Variants in GLIS3 observed in about 807,000 individuals in gnomAD.
GLIS3 encodes GLIS family zinc finger 3.
Under a neutral mutation model 78.6 loss-of-function variants are expected in GLIS3, and 53 were observed. The ratio of observed to expected loss-of-function variants is 0.67; its 90% confidence interval spans 0.54 to 0.85. GLIS3 has a LOEUF of 0.85. GLIS3 is among the 40% of genes least tolerant of loss of function. The probability of loss-of-function intolerance (pLI) is 0.00; values close to 1 mark genes in which losing one functional copy is unlikely to be tolerated. For missense variants in GLIS3, 1,703 were observed against 1,231.1 expected, an observed-to-expected ratio of 1.38 and a Z score of -5.74; for synonymous variants, 684 against 509.9, an observed-to-expected ratio of 1.34 and a Z score of -4.60.
chr9:4,235,722 A>C (rs990300866), intron 2 of GLIS3, among the ~76,000 whole-genome samples: 1 of 152,206 alleles, frequency 6.6e-6, no homozygotes, highest in Non-Finnish European at 1.5e-5. Context: ...GCTAGAAAAA[A>C]AAATCTGTTA....
intron 2 of GLIS3, among the ~76,000 whole-genome samples, chr9:4,190,767 T>G (rs201459079): frequency 2.0e-5 from 3 of 152,026 alleles, no homozygotes; most frequent in Admixed American, 2.0e-4. Flanking sequence ...AAAAAAATGT[T>G]AAGGGCAGCC....
chr9:4,267,563 T>C (rs1486882300), intron 2 of GLIS3, among the ~76,000 whole-genome samples: 1 of 152,198 alleles, frequency 6.6e-6, no homozygotes, highest in Non-Finnish European at 1.5e-5. Flanking sequence ...CCTAGCTACT[T>C]AGCTACCGAT....
At chr9:4,195,038 C>A (rs1818682889) in intron 2 of GLIS3, among the ~76,000 whole-genome samples, 1 of 152,230 alleles carries the variant, frequency 6.6e-6, no homozygotes, top group African/African-American at 2.4e-5. Context: ...GCCTCCACAG[C>A]CAGAACTGTG....
chr9:3,895,944 G>C (rs1292661643), intron 7 of GLIS3, among the ~76,000 whole-genome samples: 1 of 152,302 alleles, frequency 6.6e-6, no homozygotes, highest in East Asian at 1.9e-4. Context: ...AGCACTTAAA[G>C]GTAGAAGTGC....
chr9:4,450,556 C>G, the GLIS3 span, among the ~76,000 whole-genome samples: 1 of 152,054 alleles, frequency 6.6e-6, no homozygotes, highest in South Asian at 2.1e-4. Context: ...TCAGATTCAC[C>G]AAGGTTAAAA....
At chr9:4,257,798 C>A (rs900076928) in intron 2 of GLIS3, among the ~76,000 whole-genome samples, 1 of 152,068 alleles carries the variant, frequency 6.6e-6, no homozygotes, top group Non-Finnish European at 1.5e-5. Flanking sequence ...TGGTCTCGAT[C>A]TCCTGACCTC....
At chr9:4,343,443 G>A (rs1329483396) in intron 2 of GLIS3, among the ~76,000 whole-genome samples, 1 of 152,202 alleles carries the variant, frequency 6.6e-6, no homozygotes, top group Non-Finnish European at 1.5e-5. Context: ...GGAGAAAAAG[G>A]AATGCTTATA....
intron 2 of GLIS3, among the ~76,000 whole-genome samples, chr9:4,329,028 T>A (rs760849954): frequency 6.6e-6 from 1 of 152,178 alleles, no homozygotes; most frequent in African/African-American, 2.4e-5. Context: ...GGATGATGAG[T>A]AAGAGTCTCT....
At chr9:4,061,082 A>G (rs1826609219) in intron 4 of GLIS3, among the ~76,000 whole-genome samples, 3 of 151,012 alleles carry the variant, frequency 2.0e-5, no homozygotes. Flanking sequence ...TTTTACTATT[A>G]CACTTTAAGT....
chr9:4,092,533 A>T (rs1445055160), intron 4 of GLIS3, among the ~76,000 whole-genome samples: 6 of 152,124 alleles, frequency 3.9e-5, no homozygotes, highest in Non-Finnish European at 5.9e-5. Flanking sequence ...GCTTTTAAAA[A>T]TTTTTTTAAA....
chr9:3,948,708 T>C (rs895929751), intron 4 of GLIS3, among the ~76,000 whole-genome samples: 11 of 152,358 alleles, frequency 7.2e-5, no homozygotes, highest in African/African-American at 2.6e-4. Flanking sequence ...GGTCTAATTA[T>C]TTAGAGTAGT....
chr9:4,400,648 C>A, the GLIS3 span, among the ~76,000 whole-genome samples: 2 of 152,228 alleles, frequency 1.3e-5, no homozygotes, highest in African/African-American at 4.8e-5. Flanking sequence ...AAAAACCTCA[C>A]AACTATCACA....
rs146278263 is a variant in GLIS3 at position 4,037,032 on chromosome 9, A to G, written c.1710+80736T>C. Reference sequence around the variant, plus strand: ...GTGTCCATGTTCTAACCTTTGCTGTATAATTTACTAGGGAAGGAGATTTGA... The same window carrying G: ...GTGTCCATGTTCTAACCTTTGCTGTGTAATTTACTAGGGAAGGAGATTTGA... On this transcript the variant is annotated intron_variant, in intron 4 of 10. Coordinates refer to ENST00000381971, the MANE Select transcript of GLIS3 (RefSeq NM_001042413.2). Among the ~76,000 whole-genome samples the G allele has an allele frequency of 2.6e-5, 4 of 152,288 alleles. No individual in the cohort carries two copies. The East Asian group carries it at 7.7e-4, about 29-fold the overall frequency.
the GLIS3 span, among the ~76,000 whole-genome samples, chr9:4,403,612 A>T: frequency 2.0e-5 from 3 of 152,138 alleles, no homozygotes; most frequent in African/African-American, 7.2e-5. Flanking sequence ...TTCTTTTTGC[A>T]TGTTTATTTG....
At chr9:4,286,785 A>G (rs577171068) in intron 1 of GLIS3, among the ~76,000 whole-genome samples, 3 of 152,320 alleles carry the variant, frequency 2.0e-5, no homozygotes, top group African/African-American at 7.2e-5. Flanking sequence ...CTCGGCAACT[A>G]CAACAATCTA....
chr9:4,432,642 T>C, the GLIS3 span, among the ~76,000 whole-genome samples: 1 of 147,602 alleles, frequency 6.8e-6, no homozygotes, highest in Non-Finnish European at 1.5e-5. Context: ...TATTTCCTTT[T>C]TTTTTTTTTT....
At chr9:3,914,805 T>C (rs1042771828) in intron 6 of GLIS3, among the ~76,000 whole-genome samples, 1 of 152,170 alleles carries the variant, frequency 6.6e-6, no homozygotes, top group Non-Finnish European at 1.5e-5. Flanking sequence ...TGACCACGGA[T>C]TGAGTAAGTG....
chr9:4,424,112 C>G, the GLIS3 span, among the ~76,000 whole-genome samples: 64 of 152,240 alleles, frequency 4.2e-4, no homozygotes, highest in Non-Finnish European at 7.8e-4. Flanking sequence ...TCCCAATATC[C>G]TTGAATTTCC....
chr9:3,979,763 A>G (rs538061502), intron 4 of GLIS3, among the ~76,000 whole-genome samples: 1 of 152,332 alleles, frequency 6.6e-6, no homozygotes, highest in Non-Finnish European at 1.5e-5. Flanking sequence ...CTTATGTGCC[A>G]TTCATTGAAA....
Sources: allele counts gnomAD v4.1 joint callset (sites outside exome capture counted in the v4.1 genomes callset), GRCh38; gene constraint gnomAD v4.1.1; transcripts MANE v1.5; gene names NCBI Gene and HGNC (gene_info 2026-07-23, HGNC 2026-07-21).